Variants in KIF26B observed in about 807,000 individuals in gnomAD.
The protein encoded by KIF26B is kinesin-like protein KIF26B.
A neutral mutation model predicts 151.2 loss-of-function variants in KIF26B; 63 were observed. The observed-to-expected ratio is 0.42, with a 90% CI of 0.34 to 0.51. The LOEUF (loss-of-function observed/expected upper bound fraction) is 0.51. KIF26B is among the 20% of genes least tolerant of loss of function. The probability of loss-of-function intolerance (pLI) is 0.07; values close to 1 mark genes in which losing one functional copy is unlikely to be tolerated. For missense variants in KIF26B, 2,813 were observed against 2,913.6 expected, an observed-to-expected ratio of 0.97 and a Z score of 0.79; for synonymous variants, 1,357 against 1,262.1, an observed-to-expected ratio of 1.08 and a Z score of -1.59.
intron 2 of KIF26B, among the ~76,000 whole-genome samples, chr1:245,330,813 G>GGGGGAGAGTCC (rs1427139986): frequency 7.7e-6 from 1 of 129,932 alleles, no homozygotes; most frequent in African/African-American, 3.0e-5. Context: ...GGGGAGAGTC[G>GGGGGAGAGTCC]GGGGAGAGTC....
At chr1:245,428,255 A>G (rs1658695043) in intron 4 of KIF26B, among the ~76,000 whole-genome samples, 1 of 152,194 alleles carries the variant, frequency 6.6e-6, no homozygotes, top group Non-Finnish European at 1.5e-5. Context: ...ACTCATGTAT[A>G]TTGATGAAGT....
chr1:245,422,740 A>G (rs1376616756), intron 4 of KIF26B, among the ~76,000 whole-genome samples: 1 of 152,124 alleles, frequency 6.6e-6, no homozygotes, highest in Admixed American at 6.5e-5. Context: ...GAGTCCTCTG[A>G]GTCTGCGGGG....
At chr1:245,428,186 C>T (rs903868929) in intron 4 of KIF26B, among the ~76,000 whole-genome samples, 3 of 152,138 alleles carry the variant, frequency 2.0e-5, no homozygotes, top group African/African-American at 7.2e-5. Flanking sequence ...CCTGACAGGT[C>T]GTAGCTTTAC....
At chr1:245,592,686 A>T (rs1178578034) in intron 5 of KIF26B, among the ~76,000 whole-genome samples, 3 of 150,950 alleles carry the variant, frequency 2.0e-5, no homozygotes, top group African/African-American at 7.3e-5. Flanking sequence ...GCATGGAATC[A>T]TATGGCTTTG....
chr1:245,397,249 C>G (rs980283294), intron 3 of KIF26B, among the ~76,000 whole-genome samples: 1 of 149,166 alleles, frequency 6.7e-6, no homozygotes, highest in African/African-American at 2.5e-5. Flanking sequence ...GAGTTTCACT[C>G]TTATTGCCCA....
chr1:245,557,400 T>TA (rs1442095903), intron 5 of KIF26B, among the ~76,000 whole-genome samples: 1 of 152,216 alleles, frequency 6.6e-6, no homozygotes, highest in Non-Finnish European at 1.5e-5. Context: ...AGCTCTCCTC[T>TA]TTCAATTGCT....
At chr1:245,179,877 CG>C (rs1328999446) in intron 2 of KIF26B, among the ~76,000 whole-genome samples, 1 of 152,066 alleles carries the variant, frequency 6.6e-6, no homozygotes, top group Non-Finnish European at 1.5e-5. Flanking sequence ...GCTGCAGTTG[CG>C]GGGCAGAGGC....
intron 2 of KIF26B, among the ~76,000 whole-genome samples, chr1:245,283,812 G>A (rs10924147): frequency 0.38 from 57,023 of 151,280 alleles, 11,052 homozygotes; most frequent in East Asian, 0.59. Context: ...CTCAGCCTCC[G>A]GAGTAGCTGG....
rs548422038 is a variant in KIF26B at position 245,527,524 on chromosome 1, CTTTTTTTTTTTT to C, written c.1167-13227_1167-13216del. 3.4e-4 allele frequency among the ~76,000 whole-genome samples: 17 copies of C among 50,720 alleles called. 1 individual carries two copies. In the South Asian group the frequency reaches 6.5e-3, roughly 19 times the overall value. 33.3% of individuals were successfully genotyped at this position (50,720 alleles called of 152,430 possible). On this transcript the variant is annotated intron_variant, in intron 4 of 14. Transcript: ENST00000407071. ...TCATTTATATCTGGCTTTGGGATGGCTTTTTTTTTTTTTTTTTTTTTTTTTTTGAGATGGAGT... is the reference window on the plus strand; with the variant it reads ...TCATTTATATCTGGCTTTGGGATGGCTTTTTTTTTTTTTTTGAGATGGAGT...
intron 10 of KIF26B, among the ~76,000 whole-genome samples, chr1:245,670,777 C>A (rs2044277252): frequency 6.6e-6 from 1 of 152,142 alleles, no homozygotes; most frequent in Non-Finnish European, 1.5e-5. Flanking sequence ...TGTTGGGATA[C>A]AGACATGCAA....
At chr1:245,252,947 A>G (rs1670469619) in intron 2 of KIF26B, among the ~76,000 whole-genome samples, 1 of 151,998 alleles carries the variant, frequency 6.6e-6, no homozygotes, top group Non-Finnish European at 1.5e-5. Flanking sequence ...AATTTCATAA[A>G]TCAGAATTGA....
At chr1:245,431,768 C>T (rs1408584917) in intron 4 of KIF26B, among the ~76,000 whole-genome samples, 3 of 152,208 alleles carry the variant, frequency 2.0e-5, no homozygotes, top group Non-Finnish European at 2.9e-5. Context: ...TGAGCCACTG[C>T]GCCTGGCCTG....
At chr1:245,360,492 A>C (rs1165619840) in intron 2 of KIF26B, among the ~76,000 whole-genome samples, 1 of 152,220 alleles carries the variant, frequency 6.6e-6, no homozygotes, top group African/African-American at 2.4e-5. Flanking sequence ...AATGTTGCAC[A>C]TATTATCACA....
chr1:245,417,894 G>A (rs539310685), intron 3 of KIF26B, among the ~76,000 whole-genome samples: 10 of 152,264 alleles, frequency 6.6e-5, no homozygotes, highest in African/African-American at 2.4e-4. Flanking sequence ...TGAGAAATAT[G>A]GTAATGAAAG....
At chr1:245,643,901 C>A (rs1486338884) in intron 9 of KIF26B, among the ~76,000 whole-genome samples, 1 of 152,036 alleles carries the variant, frequency 6.6e-6, no homozygotes, top group Non-Finnish European at 1.5e-5. Flanking sequence ...GTGCTTTTTT[C>A]TCTCTGGCTC....
At chr1:245,229,207 T>C (rs1309872863) in intron 2 of KIF26B, among the ~76,000 whole-genome samples, 1 of 152,056 alleles carries the variant, frequency 6.6e-6, no homozygotes, top group Non-Finnish European at 1.5e-5. Context: ...CCTGACCTCA[T>C]GTGATCCACC....
intron 4 of KIF26B, among the ~76,000 whole-genome samples, chr1:245,466,956 A>G (rs1467743733): frequency 6.6e-6 from 1 of 152,108 alleles, no homozygotes; most frequent in Non-Finnish European, 1.5e-5. Flanking sequence ...AAAAACACAA[A>G]AACTTTCTGG....
intron 5 of KIF26B, among the ~76,000 whole-genome samples, chr1:245,551,657 T>C (rs1275461584): frequency 6.6e-6 from 1 of 152,200 alleles, no homozygotes; most frequent in Non-Finnish European, 1.5e-5. Context: ...AGTCACGCTC[T>C]GTTACAAGTA....
chr1:245,193,473 T>G (rs1239201587), intron 2 of KIF26B, among the ~76,000 whole-genome samples: 1 of 150,278 alleles, frequency 6.7e-6, no homozygotes, highest in African/African-American at 2.5e-5. Flanking sequence ...AGGCTTTCCT[T>G]TTTAAATAAA....
Sources: allele counts gnomAD v4.1 joint callset (sites outside exome capture counted in the v4.1 genomes callset), GRCh38; gene constraint gnomAD v4.1.1; transcripts MANE v1.5; gene names NCBI Gene and HGNC (gene_info 2026-07-23, HGNC 2026-07-21).